The following GLRA2 variants were observed in gnomAD, a reference collection of about 807,000 sequenced individuals.
GLRA2 encodes the protein glycine receptor subunit alpha-2.
A neutral mutation model predicts 31.6 loss-of-function variants in GLRA2; 11 were observed. The observed-to-expected ratio is 0.35, with a 90% CI of 0.22 to 0.58. GLRA2 has a LOEUF of 0.58. Ranked by LOEUF, GLRA2 falls within the 20% of genes least tolerant of loss-of-function variation. The probability of loss-of-function intolerance (pLI) is 0.84; values close to 1 mark genes in which losing one functional copy is unlikely to be tolerated. For missense variants in GLRA2, 212 were observed against 351.8 expected (o/e 0.60, Z 3.18); for synonymous variants, 132 against 134.0 (o/e 0.99, Z 0.10).
chrX:14,673,348 A>G, intron 7 of GLRA2, among the ~76,000 whole-genome samples: 1 of 111,818 alleles, frequency 8.9e-6, no homozygotes, highest in Middle Eastern at 4.2e-3. Flanking sequence ...AGAATCACCC[A>G]TTCCCTACAT....
intron 7 of GLRA2, among the ~76,000 whole-genome samples, chrX:14,652,307 G>A (rs1020382440): frequency 5.4e-5 from 6 of 111,573 alleles, no homozygotes; most frequent in African/African-American, 2.0e-4. Flanking sequence ...CCGGACATAA[G>A]TAAGGGCAGA....
chrX:14,671,781 A>G (rs1157236695), intron 7 of GLRA2, among the ~76,000 whole-genome samples: 1 of 112,817 alleles, frequency 8.9e-6, no homozygotes, highest in East Asian at 2.8e-4. Flanking sequence ...TGCACATGCA[A>G]TTGTTTTTCC....
chrX:14,530,062 A>G lies in GLRA2; in HGVS notation c.5A>G (p.Asn2Ser), dbSNP rs1569485105. 8.4e-7 allele frequency: 1 copy of G among 1,197,313 alleles called. No individual in the cohort carries two copies. Among genetic ancestry groups the G allele is most frequent in the Non-Finnish European group, 1.1e-6 (1 of 882,168 alleles). ...ACAAGCAACACAGAAACAGGAATGA[A>G]CCGGCAGCTAGTGAACATTTTGACA... M[N>S]RQLVNILTAL... Residue 2 changes from asparagine (N) to serine (S), a missense_variant, in exon 1 of 9, where the codon AAC becomes AGC. This residue lies in a region of GLRA2 where 33 missense variants were observed against 27.7 expected (regional missense o/e 1.19). Transcript: ENST00000218075.
the GLRA2 span, among the ~76,000 whole-genome samples, chrX:14,513,700 C>A: frequency 9.0e-6 from 1 of 111,503 alleles, no homozygotes; most frequent in Non-Finnish European, 1.9e-5. Context: ...AAATTAAAAT[C>A]AAAAACACAA....
At chrX:14,609,350 G>A in intron 7 of GLRA2, 145 bp downstream of exon 7, 1 of 398,695 alleles carries the variant, frequency 2.5e-6, no homozygotes, top group South Asian at 5.3e-5. Context: ...AGCTGAGTTT[G>A]AGAGAATCAG....
the GLRA2 span, among the ~76,000 whole-genome samples, chrX:14,471,616 A>G: frequency 8.9e-6 from 1 of 112,282 alleles, no homozygotes; most frequent in Admixed American, 9.4e-5. Flanking sequence ...GTAGCTAGTG[A>G]TCATTACTAT....
chrX:14,562,469 T>C (rs1186954819), intron 2 of GLRA2, among the ~76,000 whole-genome samples: 1 of 111,830 alleles, frequency 8.9e-6, no homozygotes, highest in Non-Finnish European at 1.9e-5. Flanking sequence ...TGTGTGTCTG[T>C]TCTAACCTTT....
chrX:14,703,101 G>A (rs922478389), intron 8 of GLRA2, among the ~76,000 whole-genome samples: 11 of 111,750 alleles, frequency 9.8e-5, no homozygotes, highest in African/African-American at 3.6e-4. Context: ...GGGTCTAGAT[G>A]GCTAAAAATC....
chrX:14,451,535 C>A, the GLRA2 span, among the ~76,000 whole-genome samples: 2 of 106,254 alleles, frequency 1.9e-5, no homozygotes, highest in African/African-American at 6.9e-5. Context: ...GAGGCTGAGG[C>A]AGGAGAATTG....
At chrX:14,451,015 TA>T in the GLRA2 span, among the ~76,000 whole-genome samples, 28 of 108,892 alleles carry the variant, frequency 2.6e-4, no homozygotes, top group African/African-American at 4.0e-4. Flanking sequence ...TTAGCACTCT[TA>T]AAAAAAAAAT....
intron 7 of GLRA2, among the ~76,000 whole-genome samples, chrX:14,634,034 C>T (rs748959591): frequency 1.1e-4 from 12 of 111,759 alleles, no homozygotes; most frequent in East Asian, 2.8e-4. Flanking sequence ...CTGCAACCTC[C>T]GCCTCACTGG....
At chrX:14,713,034 T>A (rs2091734148) in intron 8 of GLRA2, among the ~76,000 whole-genome samples, 2 of 111,964 alleles carry the variant, frequency 1.8e-5, no homozygotes, top group African/African-American at 6.5e-5. Flanking sequence ...TGGTGCCAGA[T>A]AAACAACAGA....
At chrX:14,523,396 C>T in the GLRA2 span, among the ~76,000 whole-genome samples, 7 of 112,062 alleles carry the variant, frequency 6.2e-5, no homozygotes, top group Middle Eastern at 4.6e-3. Context: ...TCCATATCAG[C>T]GATAACGCAG....
chrX:14,678,980 A>C (rs758269678), intron 7 of GLRA2, among the ~76,000 whole-genome samples: 3 of 111,050 alleles, frequency 2.7e-5, no homozygotes, highest in African/African-American at 9.8e-5. Context: ...CGGTCCTAAC[A>C]TGTGTAACTT....
chrX:14,688,071 G>A lies in GLRA2; in HGVS notation c.931-2639G>A, dbSNP rs182760534. On this transcript the variant is annotated intron_variant, in intron 7 of 8. Transcript: ENST00000218075. ...TGGAGTTTGCTGGAGGTCCACTCCA[G>A]ATCCTGTTTGCCTGGGTATCAGCAG... 2.7e-5 allele frequency among the ~76,000 whole-genome samples: 3 copies of A among 112,287 alleles called. No homozygotes were observed. The East Asian group carries it at 8.4e-4, about 32-fold the overall frequency.
chrX:14,623,074 A>C (rs1341708161), intron 7 of GLRA2, among the ~76,000 whole-genome samples: 6 of 111,443 alleles, frequency 5.4e-5, no homozygotes, highest in Non-Finnish European at 1.1e-4. Flanking sequence ...CATCCCTGGT[A>C]AGTTGGATTC....
intron 7 of GLRA2, among the ~76,000 whole-genome samples, chrX:14,631,167 T>G (rs752035763): frequency 8.9e-6 from 1 of 111,921 alleles, no homozygotes; most frequent in South Asian, 3.7e-4. Context: ...CCTTTTCTTT[T>G]GCAATGTCTA....
the GLRA2 span, among the ~76,000 whole-genome samples, chrX:14,474,532 G>A: frequency 9.0e-6 from 1 of 111,369 alleles, no homozygotes; most frequent in Non-Finnish European, 1.9e-5. Context: ...GGAAATCTGG[G>A]TTGGGCTCAG....
At chrX:14,532,144 A>G in intron 1 of GLRA2, 95 bp from the exon 2 acceptor site, 4 of 617,015 alleles carry the variant, frequency 6.5e-6, no homozygotes, top group Non-Finnish European at 9.3e-6. Flanking sequence ...CATATCAAAT[A>G]TCTTTACCAA....
Sources: gnomAD v4.1 joint callset for allele counts (sites outside exome capture counted in the v4.1 genomes callset) on GRCh38, gnomAD v4.1.1 for gene constraint, gnomAD v4.1.1 regional missense constraint, MANE v1.5 for transcripts, NCBI Gene and HGNC (gene_info 2026-07-23, HGNC 2026-07-21) for gene names.